The following PHLDB2 variants were observed in gnomAD, a reference collection of about 807,000 sequenced individuals.
The protein encoded by PHLDB2 is pleckstrin homology-like domain family B member 2.
In PHLDB2, 71 loss-of-function variants were observed where a neutral mutation model predicts 123.6. The observed-to-expected ratio is 0.57, with a 90% confidence interval of 0.47 to 0.70. The LOEUF (loss-of-function observed/expected upper bound fraction) is 0.70, where lower values mean the gene tolerates loss of function less well. Among genes scored for constraint, PHLDB2 ranks in the 30% least tolerant of loss-of-function variants. The pLI is 0.00. For missense variants in PHLDB2, 1,446 were observed against 1,519.5 expected, an observed-to-expected ratio of 0.95 and a Z score of 0.80; for synonymous variants, 547 against 541.6, an observed-to-expected ratio of 1.01 and a Z score of -0.14.
intron 6 of PHLDB2, among the ~76,000 whole-genome samples, chr3:111,937,919 C>T (rs890151559): frequency 6.6e-6 from 1 of 152,070 alleles, no homozygotes; most frequent in Non-Finnish European, 1.5e-5. Context: ...CAACATGCAT[C>T]AATCTCTGCA....
chr3:111,864,185 C>A (rs949506000), intron 1 of PHLDB2, among the ~76,000 whole-genome samples: 1 of 152,130 alleles, frequency 6.6e-6, no homozygotes, highest in Non-Finnish European at 1.5e-5. Flanking sequence ...TCTGCCCCCC[C>A]GCAGGTACTA....
chr3:111,934,948 A>C (rs369272380), intron 6 of PHLDB2, among the ~76,000 whole-genome samples: 2 of 152,190 alleles, frequency 1.3e-5, no homozygotes, highest in Admixed American at 6.5e-5. Context: ...TGTAGATATC[A>C]CTGGATAAAT....
At chr3:111,956,839 A>T (rs2071089459) in intron 12 of PHLDB2, among the ~76,000 whole-genome samples, 1 of 152,238 alleles carries the variant, frequency 6.6e-6, no homozygotes, top group African/African-American at 2.4e-5. Context: ...GAATTGTTTG[A>T]CTAGCACTTG....
At chr3:111,914,391 A>T (rs1263061112) in intron 3 of PHLDB2, 1 of 152,114 alleles carries the variant, frequency 6.6e-6, no homozygotes, top group Non-Finnish European at 1.5e-5. Context: ...AGACCATATT[A>T]AAAAAAGAGT....
chr3:111,896,231 G>T (rs2066856701), intron 2 of PHLDB2, among the ~76,000 whole-genome samples: 2 of 152,248 alleles, frequency 1.3e-5, no homozygotes, highest in South Asian at 4.1e-4. Context: ...GGGATTACAG[G>T]CGTGAGCCAC....
chr3:111,790,708 G>C (rs2060883433), intron 1 of PHLDB2, among the ~76,000 whole-genome samples: 1 of 152,142 alleles, frequency 6.6e-6, no homozygotes, highest in Non-Finnish European at 1.5e-5. Flanking sequence ...ATAAAATGAA[G>C]ACAATCATAA....
At chr3:111,793,132 C>A (rs2060999837) in intron 1 of PHLDB2, among the ~76,000 whole-genome samples, 1 of 152,202 alleles carries the variant, frequency 6.6e-6, no homozygotes, top group Non-Finnish European at 1.5e-5. Context: ...AAGCTTCCCC[C>A]ACCCAACCCA....
At chr3:111,943,652 T>G (rs1168596200) in intron 8 of PHLDB2, among the ~76,000 whole-genome samples, 1 of 152,174 alleles carries the variant, frequency 6.6e-6, no homozygotes, top group Non-Finnish European at 1.5e-5. Context: ...AAAATACTCA[T>G]CATTAGTCAT....
intron 1 of PHLDB2, 21 bp downstream of exon 1, chr3:111,859,597 G>A: frequency 3.0e-6 from 3 of 985,440 alleles, no homozygotes; most frequent in Non-Finnish European, 3.6e-6. Flanking sequence ...GGCGGTGGTC[G>A]CCCGGGAGGA....
intron 1 of PHLDB2, among the ~76,000 whole-genome samples, chr3:111,755,838 T>C (rs1404251669): frequency 6.6e-6 from 1 of 150,656 alleles, no homozygotes; most frequent in Non-Finnish European, 1.5e-5. Flanking sequence ...TCCCAGAGAT[T>C]CTGGTATGTT....
intron 1 of PHLDB2, among the ~76,000 whole-genome samples, chr3:111,743,256 A>C (rs1458846996): frequency 6.6e-6 from 1 of 152,190 alleles, no homozygotes; most frequent in African/African-American, 2.4e-5. Flanking sequence ...AGAGGATAAG[A>C]GGAGAGTCTG....
At chr3:111,832,661 A>AAT in intron 1 of PHLDB2, among the ~76,000 whole-genome samples, 1 of 115,550 alleles carries the variant, frequency 8.7e-6, no homozygotes, top group Non-Finnish European at 1.7e-5. Context: ...TTATACATAT[A>AAT]ATATATATAA....
chr3:111,854,852 C>T (rs2064411438), upstream of PHLDB2, among the ~76,000 whole-genome samples: 1 of 152,150 alleles, frequency 6.6e-6, no homozygotes, highest in Non-Finnish European at 1.5e-5. Flanking sequence ...TGCATCTCCA[C>T]GCTGTCACTC....
chr3:111,761,001 A>G (rs1173658379), intron 1 of PHLDB2, among the ~76,000 whole-genome samples: 3 of 152,056 alleles, frequency 2.0e-5, no homozygotes, highest in Admixed American at 6.5e-5. Flanking sequence ...CCTGGCCAAC[A>G]TGGTGAAACC....
chr3:111,780,351 A>G (rs1343759210), intron 1 of PHLDB2, among the ~76,000 whole-genome samples: 1,444 of 22,660 alleles, frequency 0.064, 109 homozygotes, highest in Non-Finnish European at 0.17. Context: ...AAGAAGAAGA[A>G]GAAGAAGAAG....
chr3:111,926,787 T>TG (rs1265998311), intron 5 of PHLDB2, among the ~76,000 whole-genome samples: 3 of 151,920 alleles, frequency 2.0e-5, no homozygotes, highest in Non-Finnish European at 4.4e-5. Flanking sequence ...AAAAGTTTCA[T>TG]GGGGAAAAAA....
intron 1 of PHLDB2, among the ~76,000 whole-genome samples, chr3:111,796,000 G>A (rs886711431): frequency 4.6e-5 from 7 of 152,138 alleles, no homozygotes; most frequent in Non-Finnish European, 8.8e-5. Flanking sequence ...GAGTTCAAGC[G>A]ACTCTCCTGC....
rs575872034 is a variant in PHLDB2 at position 111,859,433 on chromosome 3, G to A, written c.-158G>A. The stretch of plus-strand genomic sequence containing the variant: ...GGGTGCCCGCCGCGGTGGTTACAAA[G>A]GGGGTCAAGAGTGCCGGACCCAGCC... On this transcript the variant is annotated 5_prime_UTR_variant, in exon 1 of 18. Coordinates refer to ENST00000431670, the MANE Select transcript of PHLDB2 (RefSeq NM_001134438.2). The A allele has an allele frequency of 2.5e-5, 25 of 985,598 alleles. No homozygotes were observed. The African/African-American group carries it at 4.0e-4, about 16-fold the overall frequency. 61.1% of individuals were successfully genotyped at this position (985,598 alleles called of 1,614,324 possible). A position where few individuals can be genotyped will look rare whatever the true frequency, so the allele number is the denominator to read the frequency against.
chr3:111,885,688 G>A, intron 2 of PHLDB2: 1 of 627,084 alleles, frequency 1.6e-6, no homozygotes, highest in Non-Finnish European at 2.8e-6. Flanking sequence ...CATAACAGAG[G>A]AGTTGGGAAT....
Sources: allele counts gnomAD v4.1 joint callset (sites outside exome capture counted in the v4.1 genomes callset), GRCh38; gene constraint gnomAD v4.1.1; transcripts MANE v1.5; gene names NCBI Gene and HGNC (gene_info 2026-07-23, HGNC 2026-07-21).